BOLL: variants seen among roughly 807,000 people sequenced by gnomAD.
BOLL encodes the protein protein boule-like.
In BOLL, 23 loss-of-function variants were observed where a neutral mutation model predicts 44.4. The ratio of observed to expected loss-of-function variants is 0.52; its 90% CI spans 0.37 to 0.73. The LOEUF (loss-of-function observed/expected upper bound fraction) is 0.73. BOLL is among the 30% of genes least tolerant of loss of function. BOLL has a pLI of 0.00. For missense variants in BOLL, 287 were observed against 338.3 expected (o/e 0.85, Z 1.19); for synonymous variants, 97 against 110.8 (o/e 0.88, Z 0.78).
intron 9 of BOLL, among the ~76,000 whole-genome samples, chr2:197,749,220 A>G (rs1046161150): frequency 6.6e-6 from 1 of 152,124 alleles, no homozygotes; most frequent in Non-Finnish European, 1.5e-5. Flanking sequence ...CCACGCAAAA[A>G]CCCCATTCAC....
chr2:197,729,323 GAGTCTCGCTGATTGCTAGCACAGC>G lies in BOLL; in HGVS notation c.829-769_829-746del, dbSNP rs1687021840. 2.0e-5 allele frequency among the ~76,000 whole-genome samples: 3 copies of G among 152,344 alleles called. No homozygotes were observed. In the South Asian group the frequency reaches 6.2e-4, roughly 32 times the overall value. ...TGGCTCGGAGGGTCCTACGCCCACG[GAGTCTCGCTGATTGCTAGCACAGC>G]AGTCTGAGCTCTAACTGCAAGGCGG... On this transcript the variant is annotated intron_variant, in intron 10 of 10. Transcript: ENST00000392296.
chr2:197,734,581 T>C (rs1250620695), intron 10 of BOLL, among the ~76,000 whole-genome samples: 2 of 151,620 alleles, frequency 1.3e-5, no homozygotes, highest in Non-Finnish European at 2.9e-5. Flanking sequence ...AATGATAGAG[T>C]GGATTAAGAA....
intron 10 of BOLL, among the ~76,000 whole-genome samples, chr2:197,729,763 G>C (rs1378562212): frequency 3.9e-5 from 6 of 151,960 alleles, no homozygotes; most frequent in Non-Finnish European, 7.4e-5. Context: ...CTCTCTGTTA[G>C]AAGGAAAACT....
intron 6 of BOLL, among the ~76,000 whole-genome samples, chr2:197,770,945 T>C (rs700652): frequency 0.72 from 109,658 of 151,980 alleles, 40,654 homozygotes; most frequent in African/African-American, 0.9. Flanking sequence ...TGTGGCGATT[T>C]CTCAAGGATC....
chr2:197,735,427 T>C (rs1687439543), intron 10 of BOLL, among the ~76,000 whole-genome samples: 1 of 152,160 alleles, frequency 6.6e-6, no homozygotes, highest in Non-Finnish European at 1.5e-5. Flanking sequence ...ATCTTTTCTC[T>C]ATTATTATTC....
At position 197,728,207 on chromosome 2, in the gene BOLL, G is replaced by T; in HGVS notation, c.*348C>A. 1 of 386,990 alleles carries T rather than the reference G, an allele frequency of 2.6e-6. No homozygotes were observed. The allele number at this position is 386,990 out of a possible 1,614,324, so 24.0% of individuals were successfully genotyped here. A position where few individuals can be genotyped will look rare whatever the true frequency, so the allele number is the denominator to read the frequency against. On this transcript the variant is annotated 3_prime_UTR_variant, in exon 11 of 11. Transcript: ENST00000392296. ...AACATAACATCTAATTGTTTGATAA[G>T]AAAAAATAACACAAAGCAGAGAAAA...
intron 10 of BOLL, among the ~76,000 whole-genome samples, chr2:197,733,360 C>CA (rs1244584345): frequency 4.1e-5 from 6 of 147,634 alleles, no homozygotes. Flanking sequence ...TAGGAAGAAT[C>CA]AATATCGTGA....
chr2:197,748,058 C>G (rs1167893679), intron 9 of BOLL, among the ~76,000 whole-genome samples: 2 of 152,162 alleles, frequency 1.3e-5, no homozygotes, highest in African/African-American at 2.4e-5. Context: ...CAGCTCATCT[C>G]ACTGGGACTG....
At chr2:197,766,263 C>T (rs1361609905) in intron 7 of BOLL, among the ~76,000 whole-genome samples, 1 of 152,064 alleles carries the variant, frequency 6.6e-6, no homozygotes, top group East Asian at 1.9e-4. Flanking sequence ...CTGCTTTCCA[C>T]AATGGTTGAA....
rs146788702 is a variant in BOLL at position 197,744,265 on chromosome 2, G to A, written c.730-1106C>T. On this transcript the variant is annotated intron_variant, in intron 9 of 10. Transcript: ENST00000392296. ...GCAGTCTAAAACTCAGGAGTGAGAC[G>A]GAGGCTAGATATATGGCTATGGATG... 4.7e-3 allele frequency among the ~76,000 whole-genome samples: 714 copies of A among 152,270 alleles called. 4 individuals carry two copies. The highest frequency in any genetic ancestry group is 0.01 in the Middle Eastern group (3 of 294).
At chr2:197,781,942 A>C in intron 1 of BOLL, 77 bp from the exon 2 acceptor site, 1 of 1,313,830 alleles carries the variant, frequency 7.6e-7, no homozygotes, top group Non-Finnish European at 1.0e-6. Flanking sequence ...AAAAACATAT[A>C]TTTTTCAAAA....
chr2:197,731,798 G>C (rs1409212681), intron 10 of BOLL, among the ~76,000 whole-genome samples: 6 of 151,550 alleles, frequency 4.0e-5, no homozygotes, highest in Non-Finnish European at 7.4e-5. Flanking sequence ...CAGAATCTCT[G>C]GGACGCATTC....
chr2:197,771,874 G>A lies in BOLL; in HGVS notation c.461C>T (p.Ser154Leu), dbSNP rs750315080. ...VAYFHTPEVTSVPPPWPSRSV... is the reference protein window; with the variant it reads ...VAYFHTPEVTLVPPPWPSRSV... ...ACTTACAGGCCAAGGCGGTGGGACCGAAGTTACCTCTGGAGTATGAAAATA... is the reference window on the plus strand; with the variant it reads ...ACTTACAGGCCAAGGCGGTGGGACCAAAGTTACCTCTGGAGTATGAAAATA... The change falls in exon 6 of 11, where the codon TCG becomes TTG. Residue 154 changes from serine to leucine, a missense_variant. Coordinates refer to ENST00000392296, the MANE Select transcript of BOLL (RefSeq NM_033030.6). 4.4e-6 allele frequency: 7 copies of A among 1,590,474 alleles called. No homozygotes were observed. The highest frequency in any genetic ancestry group is 2.3e-5 in the East Asian group (1 of 43,884).
intron 10 of BOLL, among the ~76,000 whole-genome samples, chr2:197,735,229 C>T (rs761262296): frequency 6.6e-6 from 1 of 151,914 alleles, no homozygotes; most frequent in Non-Finnish European, 1.5e-5. Flanking sequence ...AATAATTGGC[C>T]TTAGTGTGAG....
chr2:197,750,694 A>G (rs569778833), intron 9 of BOLL, among the ~76,000 whole-genome samples: 11 of 152,280 alleles, frequency 7.2e-5, no homozygotes, highest in African/African-American at 2.6e-4. Flanking sequence ...ACACAATAAT[A>G]ATGGGAGACT....
Position 197,781,818 on chromosome 2 carries a change from AT to A in BOLL, c.32del (p.Asn11IlefsTer8). The A allele has an allele frequency of 6.2e-7, 1 of 1,606,430 alleles. No homozygotes were observed. The highest frequency in any genetic ancestry group is 8.5e-7 in the Non-Finnish European group (1 of 1,174,776). On this transcript the variant is annotated frameshift_variant, in exon 2 of 11. Coordinates refer to ENST00000392296, the MANE Select transcript of BOLL (RefSeq NM_033030.6). LOFTEE classifies it high-confidence loss of function. MQTDSLSPSP[N>X]PVSPVPLNNP... The stretch of plus-strand genomic sequence containing the variant: ...TATTCAAAGGCACAGGTGACACAGG[AT>A]TAGGGGATGGAGATAATGAATCTGT...
chr2:197,748,150 G>A (rs1688069826), intron 9 of BOLL, among the ~76,000 whole-genome samples: 1 of 152,150 alleles, frequency 6.6e-6, no homozygotes, highest in Non-Finnish European at 1.5e-5. Flanking sequence ...AAGGGGTCAG[G>A]GAACTCCCTT....
chr2:197,784,853 T>G, intron 1 of BOLL: 1 of 987,408 alleles, frequency 1.0e-6, no homozygotes, highest in Non-Finnish European at 1.2e-6. Context: ...TAGCAATAAT[T>G]CCGCATGTGT....
chr2:197,749,546 C>G (rs1688140757), intron 9 of BOLL, among the ~76,000 whole-genome samples: 1 of 151,752 alleles, frequency 6.6e-6, no homozygotes, highest in African/African-American at 2.4e-5. Context: ...GAAAAGTGAC[C>G]TGATGGAACT....
Sources: gnomAD v4.1 joint callset for allele counts (sites outside exome capture counted in the v4.1 genomes callset) on GRCh38, gnomAD v4.1.1 for gene constraint, MANE v1.5 for transcripts, NCBI Gene and HGNC (gene_info 2026-07-23, HGNC 2026-07-21) for gene names.